The following ADARB1 variants were observed in gnomAD, a reference collection of about 807,000 sequenced individuals.
The protein encoded by ADARB1 is adenosine deaminase RNA specific B1.
A neutral mutation model predicts 52.4 loss-of-function variants in ADARB1; 10 were observed. That is an observed-to-expected ratio of 0.19 (90% confidence interval 0.12 to 0.32). ADARB1 has a LOEUF of 0.32. Among genes scored for constraint, ADARB1 ranks in the 10% least tolerant of loss-of-function variants. ADARB1 has a pLI of 1.00. For missense variants in ADARB1, 643 were observed against 922.3 expected, an observed-to-expected ratio of 0.70 and a Z score of 3.92; for synonymous variants, 349 against 371.1, an observed-to-expected ratio of 0.94 and a Z score of 0.68.
chr21:45,097,037 C>A (rs2086794503), intron 1 of ADARB1, among the ~76,000 whole-genome samples: 1 of 152,238 alleles, frequency 6.6e-6, no homozygotes, highest in Admixed American at 6.5e-5. Flanking sequence ...CTGCGCCCAG[C>A]CTTTCTCCTC....
At chr21:45,077,234 A>G (rs987041620) in intron 1 of ADARB1, among the ~76,000 whole-genome samples, 1 of 152,248 alleles carries the variant, frequency 6.6e-6, no homozygotes, top group Non-Finnish European at 1.5e-5. Context: ...TGATCAAACA[A>G]TATAATTCAA....
chr21:45,220,703 A>T lies in ADARB1; in HGVS notation c.1748-133A>T, dbSNP rs932184009. On this transcript the variant is annotated intron_variant, in intron 9 of 10. Coordinates refer to ENST00000348831, the MANE Select transcript of ADARB1 (RefSeq NM_001112.4). The surrounding 1 kb of genome is among the most constrained non-coding windows in gnomAD (Gnocchi z 6.3). ...CAGATGCACGCTCAAGTCTGCGTAT[A>T]TTCCTCGGCAGGCAGAATTCCCCCA... The T allele has an allele frequency of 2.1e-5, 20 of 930,984 alleles. No individual in the cohort carries two copies. In the East Asian group the frequency reaches 5.1e-4, roughly 24 times the overall value. The allele number at this position is 930,984 out of a possible 1,614,324, so 57.7% of individuals were successfully genotyped here.
At chr21:45,203,976 A>G (rs2092616123) in intron 8 of ADARB1, among the ~76,000 whole-genome samples, 1 of 152,222 alleles carries the variant, frequency 6.6e-6, no homozygotes, top group African/African-American at 2.4e-5. Context: ...TAATAATAAA[A>G]TAAGAGTGAC....
chr21:45,124,787 A>ATATG (rs1555891563), intron 1 of ADARB1, among the ~76,000 whole-genome samples: 2 of 135,706 alleles, frequency 1.5e-5, no homozygotes, highest in Admixed American at 7.2e-5. Context: ...GTGTGTGTGT[A>ATATG]TGTGTGTGTG....
intron 1 of ADARB1, among the ~76,000 whole-genome samples, chr21:45,103,179 A>G (rs1250022123): frequency 6.6e-6 from 1 of 152,152 alleles, no homozygotes; most frequent in Non-Finnish European, 1.5e-5. Context: ...GGGATCCTGG[A>G]CGACTGAATC....
Position 45,204,447 on chromosome 21 carries a change from G to T in ADARB1, c.1566-108G>T. 1 of 1,079,584 alleles carries T rather than the reference G, an allele frequency of 9.3e-7. No homozygotes were observed. Among genetic ancestry groups the T allele is most frequent in the South Asian group, 1.6e-5 (1 of 62,858 alleles). The allele number at this position is 1,079,584 out of a possible 1,614,324, so 66.9% of individuals were successfully genotyped here. A position where few individuals can be genotyped will look rare whatever the true frequency, so the allele number is the denominator to read the frequency against. ...GTTGCACTCCTTCGTCAGTTGGTTGGGATCCTGCGGAATTGCCAGTGCATC... is the reference window on the plus strand; with the variant it reads ...GTTGCACTCCTTCGTCAGTTGGTTGTGATCCTGCGGAATTGCCAGTGCATC... On this transcript the variant is annotated intron_variant, in intron 8 of 10. Transcript: ENST00000348831. This position sits in a 1 kb window ranked among gnomAD's most constrained non-coding sequence, Gnocchi z 4.4.
intron 1 of ADARB1, among the ~76,000 whole-genome samples, chr21:45,099,356 C>G (rs572182072): frequency 5.3e-5 from 8 of 152,146 alleles, no homozygotes; most frequent in African/African-American, 1.7e-4. Flanking sequence ...GCTCTGCAAG[C>G]CTTTTTAAAA....
chr21:45,084,853 C>T (rs527725914), intron 1 of ADARB1, among the ~76,000 whole-genome samples: 1 of 152,204 alleles, frequency 6.6e-6, no homozygotes, highest in African/African-American at 2.4e-5. Flanking sequence ...TCCAACCCAC[C>T]CAGTGTTAAG....
intron 4 of ADARB1, 81 bp from the exon 5 acceptor site, chr21:45,180,249 A>T: frequency 1.0e-6 from 1 of 966,466 alleles, no homozygotes; most frequent in Non-Finnish European, 1.6e-6. Context: ...TCCATAAGGG[A>T]GAGTGCGTGC....
rs374755974 is a variant in ADARB1 at position 45,119,117 on chromosome 21, T to G, written c.-219-9285T>G. Among the ~76,000 whole-genome samples, 34 of 152,268 alleles carry G rather than the reference T, an allele frequency of 2.2e-4. No individual in the cohort carries two copies. In the East Asian group the frequency reaches 2.5e-3, roughly 11 times the overall value. On this transcript the variant is annotated intron_variant, in intron 1 of 10. Transcript: ENST00000348831. ...TTAATTAATTAATTTAGAGGCAGGGTCTCGCTCTGTCACCCAGGGTGAAGT... is the reference window on the plus strand; with the variant it reads ...TTAATTAATTAATTTAGAGGCAGGGGCTCGCTCTGTCACCCAGGGTGAAGT...
intron 2 of ADARB1, among the ~76,000 whole-genome samples, chr21:45,159,487 A>G (rs1265164728): frequency 6.6e-6 from 1 of 152,222 alleles, no homozygotes; most frequent in Admixed American, 6.5e-5. Flanking sequence ...CAAAACCATA[A>G]TAATTTTCTT....
intron 1 of ADARB1, among the ~76,000 whole-genome samples, chr21:45,107,759 A>G (rs1292549188): frequency 6.6e-6 from 1 of 152,232 alleles, no homozygotes; most frequent in South Asian, 2.1e-4. Flanking sequence ...AACATGGTTG[A>G]ATATTACCTA....
chr21:45,188,866 G>A (rs766018877), intron 8 of ADARB1, among the ~76,000 whole-genome samples: 31 of 152,212 alleles, frequency 2.0e-4, no homozygotes, highest in Admixed American at 4.6e-4. Flanking sequence ...ACCTGAGACT[G>A]GGCAATTTAC....
intron 9 of ADARB1, among the ~76,000 whole-genome samples, chr21:45,211,334 G>A (rs971730576): frequency 6.6e-6 from 1 of 152,176 alleles, no homozygotes; most frequent in African/African-American, 2.4e-5. Flanking sequence ...TGCATGGCCT[G>A]TATCATCCTC....
At position 45,157,642 on chromosome 21, in the gene ADARB1, C is replaced by T. The variant is rs9974615; in HGVS notation, c.-47-13968C>T. Among the ~76,000 whole-genome samples, 1,839 of 152,182 alleles carry T rather than the reference C, an allele frequency of 0.012. 40 individuals are homozygous for T. The highest frequency in any genetic ancestry group is 0.042 in the African/African-American group (1,754 of 41,494). On this transcript the variant is annotated intron_variant, in intron 2 of 10. Transcript: ENST00000348831. This position sits in a 1 kb window ranked among gnomAD's most constrained non-coding sequence, Gnocchi z 4.1. The stretch of plus-strand genomic sequence containing the variant: ...ATGCCTGACTGAGGCGGGAAACAAG[C>T]GTGTGGATCAGTGTGGCTCTGTATG...
chr21:45,095,822 A>G (rs1424375364), intron 1 of ADARB1, among the ~76,000 whole-genome samples: 2 of 152,174 alleles, frequency 1.3e-5, no homozygotes, highest in Admixed American at 6.5e-5. Flanking sequence ...GTGCTCGAGA[A>G]AATAAGGCTC....
intron 7 of ADARB1, 129 bp from the exon 8 acceptor site, chr21:45,184,794 T>C (rs2092045800): frequency 9.6e-7 from 1 of 1,036,896 alleles, no homozygotes; most frequent in Non-Finnish European, 1.4e-6. Context: ...TTTGTATGTA[T>C]GGCATAAACA....
At position 45,224,089 on chromosome 21, in the gene ADARB1, C is replaced by T. The variant is rs2093014585; in HGVS notation, c.*1892C>T. 1.0e-6 allele frequency: 1 copy of T among 985,322 alleles called. No homozygotes were observed. 61.0% of individuals were successfully genotyped at this position (985,322 alleles called of 1,614,324 possible). The stretch of plus-strand genomic sequence containing the variant: ...TGGCTTTCCCCCAAGCAGGCTCTTG[C>T]ACACTCTAGAAAAAACACCTTGTAA... On this transcript the variant is annotated 3_prime_UTR_variant, in exon 11 of 11. Transcript: ENST00000348831.
At chr21:45,182,895 G>A in intron 6 of ADARB1, 142 bp downstream of exon 6, 3 of 787,938 alleles carry the variant, frequency 3.8e-6, no homozygotes, top group Non-Finnish European at 5.8e-6. Context: ...CAATAAGGCT[G>A]CATCCCATTC....
Sources: allele counts gnomAD v4.1 joint callset (sites outside exome capture counted in the v4.1 genomes callset), GRCh38; gene constraint gnomAD v4.1.1; non-coding constraint Gnocchi (gnomAD v3.1); transcripts MANE v1.5; gene names NCBI Gene and HGNC (gene_info 2026-07-23, HGNC 2026-07-21).